Variants in ADAMTS17 observed in about 807,000 individuals in gnomAD.
ADAMTS17 encodes the protein ADAM metallopeptidase with thrombospondin type 1 motif 17.
Under a neutral mutation model 141.5 loss-of-function variants are expected in ADAMTS17, and 113 were observed. That is an observed-to-expected ratio of 0.80 (90% CI 0.69 to 0.93). The LOEUF (loss-of-function observed/expected upper bound fraction) is 0.93. Ranked by LOEUF, ADAMTS17 falls within the 40% of genes least tolerant of loss-of-function variation. The pLI, the probability that ADAMTS17 is intolerant of heterozygous loss-of-function variation, is 0.00. For synonymous variants in ADAMTS17, 768 were observed against 630.6 expected, an observed-to-expected ratio of 1.22 and a Z score of -3.27; for missense variants, 1,659 against 1,517.9, an observed-to-expected ratio of 1.09 and a Z score of -1.54.
At chr15:100,130,975 A>C (rs34119103) in intron 12 of ADAMTS17, among the ~76,000 whole-genome samples, 60,705 of 151,952 alleles carry the variant, frequency 0.4, 12,594 homozygotes, top group South Asian at 0.5. Context: ...CCAAATGCCC[A>C]TCAATGATAG....
intron 15 of ADAMTS17, among the ~76,000 whole-genome samples, chr15:100,082,385 CTTTTTT>C (rs11325623): frequency 6.9e-6 from 1 of 143,984 alleles, no homozygotes; most frequent in Admixed American, 6.9e-5. Context: ...TTTTGATAGT[CTTTTTT>C]TTTTTTTGAG....
At chr15:100,051,199 G>C (rs2032110190) in intron 17 of ADAMTS17, among the ~76,000 whole-genome samples, 1 of 152,084 alleles carries the variant, frequency 6.6e-6, no homozygotes, top group Admixed American at 6.5e-5. Context: ...AGGGAATTTG[G>C]GAGCGGGCAG....
rs76284562 is a variant in ADAMTS17 at position 100,133,011 on chromosome 15, G to A, written c.1575+203C>T. Among the ~76,000 whole-genome samples the A allele has an allele frequency of 3.2e-3, 491 of 152,346 alleles. 2 individuals carry two copies. Among genetic ancestry groups the A allele is most frequent in the African/African-American group, 0.011 (447 of 41,574 alleles). On this transcript the variant is annotated intron_variant, in intron 11 of 21. Coordinates refer to ENST00000268070, the MANE Select transcript of ADAMTS17 (RefSeq NM_139057.4). ...AATCTAACAAAAATATTAAGTAAAT[G>A]ATACTTGTATCTTATAAGAAAAAGG...
chr15:100,280,048 C>T (rs28668161), intron 4 of ADAMTS17, among the ~76,000 whole-genome samples: 15,675 of 152,092 alleles, frequency 0.1, 845 homozygotes, highest in African/African-American at 0.13. Context: ...TACTCACTGA[C>T]ACATTTCAGC....
intron 7 of ADAMTS17, among the ~76,000 whole-genome samples, chr15:100,230,129 G>A (rs1345920081): frequency 2.0e-5 from 3 of 152,222 alleles, no homozygotes; most frequent in Non-Finnish European, 4.4e-5. Context: ...CATATTAACT[G>A]AGAAGACAAC....
chr15:100,294,769 G>C (rs1477422690), intron 3 of ADAMTS17, among the ~76,000 whole-genome samples: 1 of 152,224 alleles, frequency 6.6e-6, no homozygotes, highest in Non-Finnish European at 1.5e-5. Context: ...ATTCCAGGGG[G>C]AGTGGAGGTT....
intron 7 of ADAMTS17, among the ~76,000 whole-genome samples, chr15:100,217,634 T>A (rs184520136): frequency 4.6e-5 from 7 of 152,294 alleles, no homozygotes; most frequent in Admixed American, 4.6e-4. Flanking sequence ...ATATTTGTGA[T>A]CCTGGGTTAG....
chr15:100,163,678 C>G (rs2039831644), intron 8 of ADAMTS17, among the ~76,000 whole-genome samples: 1 of 152,140 alleles, frequency 6.6e-6, no homozygotes, highest in Admixed American at 6.5e-5. Flanking sequence ...ATCTGATGCT[C>G]TAAGAAATGG....
At chr15:100,318,097 G>C (rs952017875) in intron 3 of ADAMTS17, among the ~76,000 whole-genome samples, 1 of 152,068 alleles carries the variant, frequency 6.6e-6, no homozygotes, top group Non-Finnish European at 1.5e-5. Context: ...TGAGGTGACG[G>C]GTCAGAGTGC....
At chr15:100,038,128 C>T (rs559424385) in intron 18 of ADAMTS17, among the ~76,000 whole-genome samples, 4 of 152,342 alleles carry the variant, frequency 2.6e-5, no homozygotes, top group South Asian at 4.1e-4. Flanking sequence ...AAAGACTATT[C>T]TTTCTCCACT....
rs1348514760 is a variant in ADAMTS17, at chr15:99,972,359, C to T, written c.*2043G>A. 6.6e-6 allele frequency: 1 copy of T among 152,160 alleles called. No individual in the cohort carries two copies. Among genetic ancestry groups the T allele is most frequent in the East Asian group, 1.9e-4 (1 of 5,180 alleles). The allele number at this position is 152,160 out of a possible 1,614,324, so 9.4% of individuals were successfully genotyped here. A position where few individuals can be genotyped will look rare whatever the true frequency, so the allele number is the denominator to read the frequency against. On this transcript the variant is annotated 3_prime_UTR_variant, in exon 22 of 22. Transcript: ENST00000268070. Reference sequence around the variant, plus strand: ...AATAACCCAATCAATCCTTTTCATTCTGAGGGTGTGGGGCCCTTGCCAGGG... The same window carrying T: ...AATAACCCAATCAATCCTTTTCATTTTGAGGGTGTGGGGCCCTTGCCAGGG...
intron 8 of ADAMTS17, among the ~76,000 whole-genome samples, chr15:100,195,507 A>G (rs547018935): frequency 9.1e-4 from 138 of 151,654 alleles, no homozygotes; most frequent in African/African-American, 3.2e-3. Context: ...CCGTAAGACC[A>G]CAGAACTATT....
At chr15:100,204,740 A>G (rs1043752390) in intron 7 of ADAMTS17, among the ~76,000 whole-genome samples, 66 of 152,238 alleles carry the variant, frequency 4.3e-4, no homozygotes, top group African/African-American at 1.5e-3. Flanking sequence ...CTTCTTAGCT[A>G]TAACATCAAA....
At chr15:100,085,371 T>A (rs1186626677) in intron 15 of ADAMTS17, among the ~76,000 whole-genome samples, 1 of 138,568 alleles carries the variant, frequency 7.2e-6, no homozygotes, top group African/African-American at 3.1e-5. Context: ...ATCTGATTGG[T>A]GGACCTGAAA....
chr15:100,339,951 G>A lies in ADAMTS17; in HGVS notation c.450+1088C>T, dbSNP rs149558441. On this transcript the variant is annotated intron_variant, in intron 2 of 21. Transcript: ENST00000268070. ...TTCTCGAGGACTCGCCACAGACTCT[G>A]TGAGTAAGGGCTGGAGAATTCTAGA... Among the ~76,000 whole-genome samples the A allele has an allele frequency of 5.2e-3, 798 of 152,328 alleles. 7 individuals carry two copies. The highest frequency in any genetic ancestry group is 0.01 in the Admixed American group (157 of 15,306).
intron 18 of ADAMTS17, among the ~76,000 whole-genome samples, chr15:100,014,364 T>G (rs1450644172): frequency 1.3e-5 from 2 of 152,194 alleles, no homozygotes; most frequent in African/African-American, 4.8e-5. Context: ...TTAAATTCAA[T>G]TTCATTTAGT....
intron 18 of ADAMTS17, among the ~76,000 whole-genome samples, chr15:100,011,587 A>G (rs1169849400): frequency 1.3e-5 from 2 of 152,146 alleles, no homozygotes; most frequent in East Asian, 1.9e-4. Flanking sequence ...AGAGCTTCCT[A>G]TGTGCCAGGC....
chr15:100,133,280 T>C lies in ADAMTS17; in HGVS notation c.1509A>G (p.Glu503=). ...GCTTGGTCTTGCAGGATGTGTCTCC[T>C]TCTACCAGGCACCACAGTCCAGCAC... ...LMCAGLWCLV[E]GDTSCKTKLD... is the part of the protein sequence containing the mutation. The change falls in exon 11 of 22, where the codon GAA becomes GAG. Residue 503 remains glutamate, a synonymous_variant. Coordinates refer to ENST00000268070, the MANE Select transcript of ADAMTS17 (RefSeq NM_139057.4). 1 of 1,597,188 alleles carries C rather than the reference T, an allele frequency of 6.3e-7. No homozygotes were observed. Among genetic ancestry groups the C allele is most frequent in the Non-Finnish European group, 8.5e-7 (1 of 1,170,256 alleles).
intron 3 of ADAMTS17, among the ~76,000 whole-genome samples, chr15:100,287,716 T>C (rs1318408665): frequency 6.6e-6 from 1 of 152,076 alleles, no homozygotes; most frequent in Non-Finnish European, 1.5e-5. Flanking sequence ...CCAGGAGAAA[T>C]TACAGGCCTG....
Sources: allele counts gnomAD v4.1 joint callset (sites outside exome capture counted in the v4.1 genomes callset), GRCh38; gene constraint gnomAD v4.1.1; transcripts MANE v1.5; gene names NCBI Gene and HGNC (gene_info 2026-07-23, HGNC 2026-07-21).